Variants in CNTNAP5 observed in about 807,000 individuals in gnomAD.
CNTNAP5 encodes contactin-associated protein-like 5.
Under a neutral mutation model 150.2 loss-of-function variants are expected in CNTNAP5, and 72 were observed. The ratio of observed to expected loss-of-function variants is 0.48; its 90% CI spans 0.40 to 0.58. CNTNAP5 has a LOEUF of 0.58. CNTNAP5 is among the 20% of genes least tolerant of loss of function. The pLI, the probability that CNTNAP5 is intolerant of heterozygous loss-of-function variation, is 0.00. For missense variants in CNTNAP5, 1,636 were observed against 1,626.2 expected (o/e 1.01, Z -0.10); for synonymous variants, 672 against 619.8 (o/e 1.08, Z -1.25).
intron 1 of CNTNAP5, among the ~76,000 whole-genome samples, chr2:124,138,148 C>G (rs1485835791): frequency 6.6e-6 from 1 of 152,150 alleles, no homozygotes; most frequent in Non-Finnish European, 1.5e-5. Context: ...TCTCCCTCCT[C>G]TCTGTCAGCA....
chr2:124,572,308 T>C (rs1333867993), intron 11 of CNTNAP5, among the ~76,000 whole-genome samples: 1 of 150,018 alleles, frequency 6.7e-6, no homozygotes, highest in East Asian at 2.0e-4. Flanking sequence ...GGGGTCTACC[T>C]GAGGGTGGTG....
chr2:124,790,016 G>C lies in CNTNAP5; in HGVS notation c.2867G>C (p.Gly956Ala). 1 of 1,613,950 alleles carries C rather than the reference G, an allele frequency of 6.2e-7. No individual in the cohort carries two copies. Among genetic ancestry groups the C allele is most frequent in the South Asian group, 1.1e-5 (1 of 91,084 alleles). The change falls in exon 18 of 24, where the codon GGC (glycine) becomes GCC (alanine). Residue 956 changes from glycine (G) to alanine (A), a missense_variant. Physicochemically the swap from Gly to Ala is moderately conservative, Grantham distance 60. Transcript: ENST00000682447. ...RAKVTSGVRP[G>A]CPGHCSSYGS... ...AAGGTCACATCTGGAGTCAGGCCAG[G>C]CTGCCCCGGCCACTGCAGCAGCTAC...
At chr2:124,213,914 C>T (rs1686085601) in intron 1 of CNTNAP5, among the ~76,000 whole-genome samples, 1 of 152,060 alleles carries the variant, frequency 6.6e-6, no homozygotes, top group Non-Finnish European at 1.5e-5. Flanking sequence ...TCTTGAAATT[C>T]AAGAAGGAAA....
At chr2:124,177,993 C>T (rs1180148387) in intron 1 of CNTNAP5, among the ~76,000 whole-genome samples, 1 of 151,790 alleles carries the variant, frequency 6.6e-6, no homozygotes, top group Admixed American at 6.6e-5. Flanking sequence ...ATTACAGGCA[C>T]CCACAACCAC....
At chr2:124,686,657 A>G (rs1159265091) in intron 13 of CNTNAP5, among the ~76,000 whole-genome samples, 1 of 152,136 alleles carries the variant, frequency 6.6e-6, no homozygotes, top group Non-Finnish European at 1.5e-5. Context: ...AAGCTCCAAG[A>G]AAAACTAGAA....
At chr2:124,470,057 A>T (rs1693471520) in intron 6 of CNTNAP5, among the ~76,000 whole-genome samples, 1 of 152,140 alleles carries the variant, frequency 6.6e-6, no homozygotes, top group African/African-American at 2.4e-5. Context: ...TATCTTTATA[A>T]TAGAATGATT....
intron 17 of CNTNAP5, among the ~76,000 whole-genome samples, chr2:124,784,183 G>A (rs1410883147): frequency 6.6e-6 from 1 of 152,144 alleles, no homozygotes; most frequent in Non-Finnish European, 1.5e-5. Context: ...GAAGAAGGGA[G>A]GATGGAAAGG....
rs548078499 is a variant in CNTNAP5 at position 124,368,569 on chromosome 2, A to G, written c.382-48874A>G. Among the ~76,000 whole-genome samples the G allele has an allele frequency of 3.9e-5, 6 of 152,306 alleles. No individual in the cohort carries two copies. In the East Asian group the frequency reaches 1.2e-3, roughly 29 times the overall value. On this transcript the variant is annotated intron_variant, in intron 3 of 23. Transcript: ENST00000682447. ...TATAATAATAAAATAATTGGGAAAA[A>G]ACCAAATACCTATCAGTAGAAGGGT...
chr2:124,380,522 C>T (rs1690763484), intron 3 of CNTNAP5, among the ~76,000 whole-genome samples: 1 of 152,196 alleles, frequency 6.6e-6, no homozygotes, highest in Non-Finnish European at 1.5e-5. Flanking sequence ...ATCAAATAAG[C>T]ATATTCCTTA....
chr2:124,492,516 T>C (rs1043810029), intron 7 of CNTNAP5, among the ~76,000 whole-genome samples: 1 of 152,166 alleles, frequency 6.6e-6, no homozygotes, highest in Non-Finnish European at 1.5e-5. Context: ...AATGTGGTGC[T>C]TTCAGCTTTA....
chr2:124,113,125 G>A (rs773989139), intron 1 of CNTNAP5, among the ~76,000 whole-genome samples: 15 of 152,058 alleles, frequency 9.9e-5, no homozygotes, highest in Admixed American at 2.6e-4. Flanking sequence ...CCCACATCCC[G>A]TGGCTCAACA....
chr2:124,514,415 T>C (rs1254112984), intron 8 of CNTNAP5, among the ~76,000 whole-genome samples: 1 of 152,206 alleles, frequency 6.6e-6, no homozygotes, highest in Non-Finnish European at 1.5e-5. Flanking sequence ...AATCTTCTTG[T>C]CAAACCTGCT....
intron 10 of CNTNAP5, among the ~76,000 whole-genome samples, chr2:124,560,935 A>G (rs1027897459): frequency 1.3e-5 from 2 of 152,114 alleles, no homozygotes; most frequent in Admixed American, 6.6e-5. Context: ...CACCAAAAAA[A>G]GTCAACCCTG....
intron 1 of CNTNAP5, among the ~76,000 whole-genome samples, chr2:124,037,196 G>A (rs1681246945): frequency 6.6e-6 from 1 of 152,130 alleles, no homozygotes; most frequent in South Asian, 2.1e-4. Context: ...AACTTTTTGT[G>A]GCCAGGCTTC....
At chr2:124,343,230 T>C (rs535333712) in intron 3 of CNTNAP5, among the ~76,000 whole-genome samples, 2 of 152,340 alleles carry the variant, frequency 1.3e-5, no homozygotes, top group East Asian at 1.9e-4. Flanking sequence ...CCGAAGGTTA[T>C]AAATGATAGC....
chr2:124,306,141 T>C (rs528502560), intron 3 of CNTNAP5, among the ~76,000 whole-genome samples: 15 of 152,232 alleles, frequency 9.9e-5, no homozygotes, highest in Middle Eastern at 3.4e-3. Flanking sequence ...GGAACATGGT[T>C]AGTTTATCTA....
chr2:124,563,292 C>T lies in CNTNAP5; in HGVS notation c.1725C>T (p.Asp575=). The T allele has an allele frequency of 1.3e-6, 2 of 1,570,362 alleles. No homozygotes were observed. Among genetic ancestry groups the T allele is most frequent in the Non-Finnish European group, 8.6e-7 (1 of 1,156,712 alleles). Residue 575 remains aspartate (D), a synonymous_variant, in exon 11 of 24, where the codon GAC becomes GAT. Transcript: ENST00000682447. The part of the protein sequence containing the change: ...SWTTFYCNCS[D]TSYTGATCHN... ...CTACCTTCTATTGTAACTGCAGTGA[C>T]ACAAGTTACACTGGTGCCACCTGCC...
chr2:124,884,229 A>G (rs114723650), intron 21 of CNTNAP5, among the ~76,000 whole-genome samples: 2,287 of 151,920 alleles, frequency 0.015, 50 homozygotes, highest in African/African-American at 0.053. Context: ...ATGCATATGT[A>G]TGTGTGCATT....
rs536272921 is a variant in CNTNAP5, at chr2:124,912,428, G to A, written c.3727+890G>A. 1.7e-4 allele frequency among the ~76,000 whole-genome samples: 26 copies of A among 152,150 alleles called. No homozygotes were observed. In the East Asian group the frequency reaches 3.9e-3, roughly 23 times the overall value. The stretch of plus-strand genomic sequence containing the variant: ...GGAATATGGGGATGAATGAGCCAGC[G>A]AGGAGATGGGTAAACAGACAACAAG... On this transcript the variant is annotated intron_variant, in intron 23 of 23. Transcript: ENST00000682447.
Sources: allele counts gnomAD v4.1 joint callset (sites outside exome capture counted in the v4.1 genomes callset), GRCh38; gene constraint gnomAD v4.1.1; transcripts MANE v1.5; gene names NCBI Gene and HGNC (gene_info 2026-07-23, HGNC 2026-07-21).